The following PIBF1 variants were observed in gnomAD, a reference collection of about 807,000 sequenced individuals.
PIBF1 encodes the protein progesterone-induced-blocking factor 1.
Under a neutral mutation model 112.5 loss-of-function variants are expected in PIBF1, and 90 were observed. The ratio of observed to expected loss-of-function variants is 0.80; its 90% CI spans 0.67 to 0.95. The LOEUF is 0.95. PIBF1 is among the 40% of genes least tolerant of loss of function. PIBF1 has a pLI of 0.00. For synonymous variants in PIBF1, 301 were observed against 288.6 expected (o/e 1.04, Z -0.44); for missense variants, 915 against 852.3 (o/e 1.07, Z -0.92).
In PIBF1 at chr13:72,783,700, G is replaced by C; in HGVS notation, c.231G>C (p.Leu77Phe). 6.2e-7 allele frequency: 1 copy of C among 1,613,888 alleles called. No individual in the cohort carries two copies. Among genetic ancestry groups the C allele is most frequent in the Admixed American group, 1.7e-5 (1 of 60,020 alleles). ...AGAAAACTATGATGATCGACAATTT[G>C]AAAGTGGATTATCTTACAAAGGTAA... ...LSQKTMMIDNLKVDYLTKIEE... is the reference protein window; with the variant it reads ...LSQKTMMIDNFKVDYLTKIEE... Residue 77 changes from leucine (L) to phenylalanine (F), a missense_variant, in exon 2 of 18, where the codon TTG (leucine) becomes TTC (phenylalanine). Leu to Phe is a conservative substitution (Grantham distance 22, BLOSUM62 0). Transcript: ENST00000326291.
chr13:72,823,628 T>A (rs1455045795), intron 6 of PIBF1, among the ~76,000 whole-genome samples: 3 of 152,176 alleles, frequency 2.0e-5, no homozygotes, highest in Non-Finnish European at 4.4e-5. Flanking sequence ...GGATGTTAAT[T>A]GTGTCATTAT....
Position 73,006,257 on chromosome 13 carries a change from C to A in PIBF1, c.2223+7262C>A, listed in dbSNP as rs188134372. Among the ~76,000 whole-genome samples, 101 of 152,206 alleles carry A rather than the reference C, an allele frequency of 6.6e-4. 1 individual carries two copies. Among genetic ancestry groups the A allele is most frequent in the Admixed American group, 6.5e-3 (100 of 15,278 alleles). ...TTATGTTGAATGTAGACTCATCTCA[C>A]CAAAGTATGACCGGACCTCAAAATA... On this transcript the variant is annotated intron_variant, in intron 17 of 17. Coordinates refer to ENST00000326291, the MANE Select transcript of PIBF1 (RefSeq NM_006346.4).
In PIBF1 at chr13:72,947,671, A is replaced by G. The variant is rs368110079; in HGVS notation, c.1833+16404A>G. Among the ~76,000 whole-genome samples the G allele has an allele frequency of 3.7e-4, 56 of 152,320 alleles. No homozygotes were observed. The East Asian group carries it at 7.7e-3, about 21-fold the overall frequency. ...AATTAGTTCAACCATTGTGGAAGATAGTGTGGCGATTCCTCAAGGATCTAG... is the reference window on the plus strand; with the variant it reads ...AATTAGTTCAACCATTGTGGAAGATGGTGTGGCGATTCCTCAAGGATCTAG... On this transcript the variant is annotated intron_variant, in intron 14 of 17. Transcript: ENST00000326291.
intron 14 of PIBF1, among the ~76,000 whole-genome samples, chr13:72,931,938 C>CTTTTTTTTTTTTTTTTTTTTT (rs59274277): frequency 1.9e-4 from 19 of 100,826 alleles, no homozygotes; most frequent in Non-Finnish European, 2.7e-4. Context: ...TTGTTTCTTT[C>CTTTTTTTTTTTTTTTTTTTTT]TTTTTTTTTT....
intron 14 of PIBF1, among the ~76,000 whole-genome samples, chr13:72,954,888 T>G (rs1367869366): frequency 6.6e-6 from 1 of 152,208 alleles, no homozygotes; most frequent in Non-Finnish European, 1.5e-5. Flanking sequence ...TAACACTGTC[T>G]CCAGTCCACC....
intron 14 of PIBF1, among the ~76,000 whole-genome samples, chr13:72,953,818 C>T (rs1056264679): frequency 3.9e-5 from 6 of 152,048 alleles, no homozygotes; most frequent in Non-Finnish European, 7.4e-5. Flanking sequence ...GTACCAGGTG[C>T]GGTGGTAGTA....
At chr13:72,918,050 T>C (rs928765482) in intron 13 of PIBF1, among the ~76,000 whole-genome samples, 2 of 152,168 alleles carry the variant, frequency 1.3e-5, no homozygotes, top group African/African-American at 2.4e-5. Flanking sequence ...AGGTTTCCAG[T>C]TGACCTGCCT....
chr13:72,917,124 G>C lies in PIBF1; in HGVS notation c.1688G>C (p.Gly563Ala). 1 of 1,597,464 alleles carries C rather than the reference G, an allele frequency of 6.3e-7. No individual in the cohort carries two copies. The highest frequency in any genetic ancestry group is 8.5e-7 in the Non-Finnish European group (1 of 1,171,924). The change falls in exon 13 of 18, where the codon GGT becomes GCT. Residue 563 changes from glycine to alanine, a missense_variant. Physicochemically the swap from Gly to Ala is moderately conservative, Grantham distance 60 (BLOSUM62 0). Coordinates refer to ENST00000326291, the MANE Select transcript of PIBF1 (RefSeq NM_006346.4). ...AGGGTTCTTTTTTCCTACGGCTATG[G>C]TGCTAATGTTCCCACAACAGCCAAA... ...AERVLFSYGYGANVPTTAKRR... is the reference protein window; with the variant it reads ...AERVLFSYGYAANVPTTAKRR...
Position 72,935,316 on chromosome 13 carries a change from A to G in PIBF1, c.1833+4049A>G, listed in dbSNP as rs2041837172. ...GACTTTTATATAAGAGGAATCATAT[A>G]GTATGTATATGCTTTTTTTAATGTC... On this transcript the variant is annotated intron_variant, in intron 14 of 17. Transcript: ENST00000326291. Among the ~76,000 whole-genome samples the G allele has an allele frequency of 2.6e-5, 4 of 152,138 alleles. No homozygotes were observed. The South Asian group carries it at 8.3e-4, about 32-fold the overall frequency.
chr13:72,844,332 G>A (rs1020110860), intron 9 of PIBF1, among the ~76,000 whole-genome samples: 1 of 152,150 alleles, frequency 6.6e-6, no homozygotes, highest in African/African-American at 2.4e-5. Flanking sequence ...ACTTAAAATA[G>A]AAATTCTGTC....
chr13:72,899,374 AC>A (rs1478950711), intron 11 of PIBF1, among the ~76,000 whole-genome samples: 1 of 152,230 alleles, frequency 6.6e-6, no homozygotes, highest in Non-Finnish European at 1.5e-5. Context: ...AAAATCCTTA[AC>A]AAAATACTAG....
At chr13:72,852,193 A>T (rs2875644) in intron 9 of PIBF1, among the ~76,000 whole-genome samples, 1 of 152,048 alleles carries the variant, frequency 6.6e-6, no homozygotes, top group African/African-American at 2.4e-5. Flanking sequence ...GAATTGCTGC[A>T]GCCCTTTGGG....
chr13:73,008,767 CCACTGTA>C (rs1309902596), intron 17 of PIBF1, among the ~76,000 whole-genome samples: 1 of 152,190 alleles, frequency 6.6e-6, no homozygotes, highest in Non-Finnish European at 1.5e-5. Flanking sequence ...TGTGCTTTAA[CCACTGTA>C]CTATACGGTG....
rs180729941 is a variant in PIBF1 at position 72,931,263 on chromosome 13, A to G, written c.1829A>G (p.Gln610Arg). The G allele has an allele frequency of 1.3e-6, 2 of 1,585,532 alleles. No homozygotes were observed. Among genetic ancestry groups the G allele is most frequent in the African/African-American group, 2.7e-5 (2 of 74,356 alleles). The change falls in exon 14 of 18, where the codon CAA becomes CGA. Residue 610 changes from glutamine to arginine, a missense_variant. Physicochemically the swap from Gln to Arg is conservative, Grantham distance 43. Coordinates refer to ENST00000326291, the MANE Select transcript of PIBF1 (RefSeq NM_006346.4). ...HRKDQVTQLS[Q>R]ELDRANSLLN... ...AAGGACCAAGTAACACAGCTTTCAC[A>G]AGAGGTAAATAACTTAAAGAAACCC...
chr13:72,787,324 A>T (rs962779818), intron 2 of PIBF1, among the ~76,000 whole-genome samples: 6 of 152,196 alleles, frequency 3.9e-5, no homozygotes, highest in Admixed American at 2.6e-4. Flanking sequence ...AGCACTCCAG[A>T]TGAACAAAGT....
At chr13:72,812,165 A>G (rs118101483) in intron 5 of PIBF1, among the ~76,000 whole-genome samples, 1,732 of 152,270 alleles carry the variant, frequency 0.011, 14 homozygotes, top group Middle Eastern at 0.027. Flanking sequence ...TTTGGTTTAA[A>G]TCCAGAGATA....
chr13:72,864,714 A>G (rs2038851340), intron 10 of PIBF1, among the ~76,000 whole-genome samples: 1 of 152,176 alleles, frequency 6.6e-6, no homozygotes. Context: ...CATAAAAACT[A>G]AAGTTAAGGG....
At chr13:72,884,063 A>G (rs2039749806) in intron 10 of PIBF1, among the ~76,000 whole-genome samples, 2 of 152,344 alleles carry the variant, frequency 1.3e-5, no homozygotes, top group South Asian at 4.1e-4. Context: ...TACACATTGT[A>G]TGCCTGTATC....
chr13:72,981,861 T>C (rs1798741306), intron 16 of PIBF1, among the ~76,000 whole-genome samples: 1 of 152,222 alleles, frequency 6.6e-6, no homozygotes, highest in African/African-American at 2.4e-5. Flanking sequence ...ATTACCTTTA[T>C]ATTCCTTACA....
Sources: gnomAD v4.1 joint callset for allele counts (sites outside exome capture counted in the v4.1 genomes callset) on GRCh38, gnomAD v4.1.1 for gene constraint, MANE v1.5 for transcripts, NCBI Gene and HGNC (gene_info 2026-07-23, HGNC 2026-07-21) for gene names.